Variants in MMP7 observed in about 807,000 individuals in gnomAD.
The protein encoded by MMP7 is matrix metallopeptidase 7.
Under a neutral mutation model 31.5 loss-of-function variants are expected in MMP7, and 26 were observed. The observed-to-expected ratio is 0.83, with a 90% confidence interval of 0.61 to 1.15. The LOEUF (loss-of-function observed/expected upper bound fraction) is 1.15. MMP7 is among the 50% of genes most tolerant of loss of function. MMP7 has a pLI of 0.00. For missense variants in MMP7, 367 were observed against 326.5 expected (o/e 1.12, Z -0.96); for synonymous variants, 142 against 124.2 (o/e 1.14, Z -0.95).
intron 5 of MMP7, among the ~76,000 whole-genome samples, chr11:102,522,789 C>G (rs927986124): frequency 6.6e-6 from 1 of 152,104 alleles, no homozygotes; most frequent in African/African-American, 2.4e-5. Flanking sequence ...AGTTTCTGTC[C>G]GTGGTTAACC....
intron 5 of MMP7, among the ~76,000 whole-genome samples, chr11:102,522,693 A>G (rs896486096): frequency 6.6e-6 from 1 of 152,230 alleles, no homozygotes; most frequent in South Asian, 2.1e-4. Context: ...GCACTTAAAA[A>G]AACTGAATTT....
intron 1 of MMP7, among the ~76,000 whole-genome samples, chr11:102,528,779 C>T (rs2135906274): frequency 6.6e-6 from 1 of 152,234 alleles, no homozygotes; most frequent in South Asian, 2.1e-4. Flanking sequence ...GATAGGAATC[C>T]AGCAGCACAA....
intron 3 of MMP7, 124 bp from the exon 4 acceptor site, chr11:102,525,188 C>G (rs1858656162): frequency 8.0e-7 from 1 of 1,243,966 alleles, no homozygotes; most frequent in South Asian, 1.6e-5. Flanking sequence ...GGCATGGTGG[C>G]TCACTTTGCG....
Position 102,524,949 on chromosome 11 carries a change from A to T in MMP7, c.600T>A (p.Asp200Glu). ...GAGATGCTATACCTAGACTGCTACCATCCGTCCAGCGTTCATCCTCATCGA... is the reference window on the plus strand; with the variant it reads ...GAGATGCTATACCTAGACTGCTACCTTCCGTCCAGCGTTCATCCTCATCGA... ...AHFDEDERWT[D>E]GSSLGINFLY... The change falls in exon 4 of 6, where the codon GAT (aspartate) becomes GAA (glutamate). Residue 200 changes from aspartate to glutamate, a missense_variant. Asp to Glu is a conservative substitution (Grantham distance 45). Transcript: ENST00000260227. The T allele has an allele frequency of 6.2e-7, 1 of 1,613,938 alleles. No individual in the cohort carries two copies. The highest frequency in any genetic ancestry group is 8.5e-7 in the Non-Finnish European group (1 of 1,179,928).
rs890625915 is a variant in MMP7, at chr11:102,520,593, A to G, written c.*183T>C. 1.2e-5 allele frequency: 6 copies of G among 518,920 alleles called. No individual in the cohort carries two copies. The highest frequency in any genetic ancestry group is 2.1e-5 in the Non-Finnish European group (6 of 290,910). The allele number at this position is 518,920 out of a possible 1,614,324, so 32.1% of individuals were successfully genotyped here. ...CCCACTGCAAGTATAGATGAATAAGACACAGTCACACCATAAAGGAGTTTA... is the reference window on the plus strand; with the variant it reads ...CCCACTGCAAGTATAGATGAATAAGGCACAGTCACACCATAAAGGAGTTTA... On this transcript the variant is annotated 3_prime_UTR_variant, in exon 6 of 6. Transcript: ENST00000260227.
chr11:102,526,177 A>G (rs1487613533), intron 3 of MMP7, among the ~76,000 whole-genome samples: 2 of 149,898 alleles, frequency 1.3e-5, no homozygotes, highest in Admixed American at 6.7e-5. Context: ...TAACACATAT[A>G]CTAAAAAAAT....
chr11:102,524,904 ATG>A (rs1858650951), intron 4 of MMP7, 30 bp downstream of exon 4: 3 of 1,593,374 alleles, frequency 1.9e-6, no homozygotes, highest in African/African-American at 2.7e-5. Context: ...TTTAAAACGG[ATG>A]TGGAGTAGAA....
Position 102,527,621 on chromosome 11 carries a change from C to G in MMP7, c.387G>C (p.Val129=). The G allele has an allele frequency of 6.2e-7, 1 of 1,614,124 alleles. No homozygotes were observed. The highest frequency in any genetic ancestry group is 8.5e-7 in the Non-Finnish European group (1 of 1,180,006). Residue 129 remains valine, a synonymous_variant, in exon 3 of 6, where the codon GTG becomes GTC. Transcript: ENST00000260227. The stretch of plus-strand genomic sequence containing the variant: ...TGCCCCACATGTTTAAAGCCTTTGA[C>G]ACTAATCGATCCACTGTAATATGCG... ...DLPHITVDRL[V]SKALNMWGKE...
Position 102,523,233 on chromosome 11 carries a change from A to G in MMP7, c.775+7T>C. 1.9e-6 allele frequency: 3 copies of G among 1,575,626 alleles called. No homozygotes were observed. The highest frequency in any genetic ancestry group is 2.6e-6 in the Non-Finnish European group (3 of 1,157,300). ...GAAATCCTCTTATTTGAAATAATAA[A>G]TATTACCATATAGTTTCTGAATGCC... is the stretch of plus-strand genomic sequence containing the variant. On this transcript the variant is annotated splice_region_variant and intron_variant, in intron 5 of 5. Coordinates refer to ENST00000260227, the MANE Select transcript of MMP7 (RefSeq NM_002423.5).
chr11:102,521,940 A>C (rs1453951221), intron 5 of MMP7, among the ~76,000 whole-genome samples: 4 of 152,178 alleles, frequency 2.6e-5, no homozygotes, highest in African/African-American at 9.7e-5. Flanking sequence ...TTACGTCGTA[A>C]CTTTTGGGAA....
chr11:102,527,694 A>G (rs1858688461), intron 2 of MMP7, 22 bp from the exon 3 acceptor site: 29 of 1,608,378 alleles, frequency 1.8e-5, no homozygotes, highest in Non-Finnish European at 2.4e-5. Flanking sequence ...CAAGAAAACA[A>G]TGTTTGACCC....
chr11:102,522,299 C>T (rs1312268730), intron 5 of MMP7, among the ~76,000 whole-genome samples: 3 of 152,228 alleles, frequency 2.0e-5, no homozygotes, highest in African/African-American at 7.2e-5. Context: ...GAAGCACTTT[C>T]ATTGCTCACG....
In MMP7 at chr11:102,530,046, C is replaced by T. The variant is rs958383430; in HGVS notation, c.108+547G>A. ...GAGAAAACAAAGTCAGATGTTAATG[C>T]CTTGTCTATTGTCATTGACTTGTTG... On this transcript the variant is annotated intron_variant, in intron 1 of 5. Transcript: ENST00000260227. Among the ~76,000 whole-genome samples, 10 of 152,056 alleles carry T rather than the reference C, an allele frequency of 6.6e-5. 1 individual carries two copies. Among genetic ancestry groups the T allele is most frequent in the Admixed American group, 1.3e-4 (2 of 15,268 alleles).
intron 3 of MMP7, among the ~76,000 whole-genome samples, chr11:102,526,238 A>ATTTT (rs1420761860): frequency 1.5e-5 from 2 of 130,894 alleles, no homozygotes; most frequent in African/African-American, 6.6e-5. Context: ...ATATATATAT[A>ATTTT]TATTTTTTTT....
In MMP7 at chr11:102,530,692, G is replaced by T; in HGVS notation, c.9C>A (p.Leu3=). ...GCAGGCACACAGCACACAGCACGGTGAGTCGCATAGCTGCCGTCCAGAGAC... is the reference window on the plus strand; with the variant it reads ...GCAGGCACACAGCACACAGCACGGTTAGTCGCATAGCTGCCGTCCAGAGAC... The part of the protein sequence containing the change: MR[L]TVLCAVCLLP... Residue 3 remains leucine (L), a synonymous_variant, in exon 1 of 6, where the codon CTC becomes CTA. Transcript: ENST00000260227. The T allele has an allele frequency of 6.2e-7, 1 of 1,613,490 alleles. No homozygotes were observed. Among genetic ancestry groups the T allele is most frequent in the South Asian group, 1.1e-5 (1 of 91,004 alleles).
At chr11:102,528,044 G>C in intron 1 of MMP7, 61 bp from the exon 2 acceptor site, 11 of 1,213,020 alleles carry the variant, frequency 9.1e-6, no homozygotes, top group Non-Finnish European at 1.3e-5. Context: ...TATCTTAGAA[G>C]CCTATATATC....
chr11:102,529,391 T>C (rs1858707560), intron 1 of MMP7, among the ~76,000 whole-genome samples: 1 of 152,208 alleles, frequency 6.6e-6, no homozygotes, highest in East Asian at 1.9e-4. Flanking sequence ...TTTGTTGAGA[T>C]GACTTTTCCT....
At chr11:102,525,924 G>A (rs1858665308) in intron 3 of MMP7, among the ~76,000 whole-genome samples, 1 of 151,950 alleles carries the variant, frequency 6.6e-6, no homozygotes, top group Non-Finnish European at 1.5e-5. Context: ...GGCCAGTCCA[G>A]TTTATCTAGC....
intron 1 of MMP7, 143 bp downstream of exon 1, chr11:102,530,450 A>G: frequency 4.4e-6 from 3 of 687,426 alleles, no homozygotes; most frequent in South Asian, 1.6e-5. Context: ...TGATGAAAAC[A>G]TATATTGCTT....
Sources: allele counts gnomAD v4.1 joint callset (sites outside exome capture counted in the v4.1 genomes callset), GRCh38; gene constraint gnomAD v4.1.1; transcripts MANE v1.5; gene names NCBI Gene and HGNC (gene_info 2026-07-23, HGNC 2026-07-21).